CTSC: variants seen among roughly 807,000 people sequenced by gnomAD.
The protein encoded by CTSC is dipeptidyl peptidase 1.
In CTSC, 37 loss-of-function variants were observed where a neutral mutation model predicts 40.9. The observed-to-expected ratio is 0.91, with a 90% CI of 0.70 to 1.19. The LOEUF (loss-of-function observed/expected upper bound fraction) is 1.19, where lower values mean the gene tolerates loss of function less well. Ranked by LOEUF, CTSC falls within the 50% of genes most tolerant of loss-of-function variation. The probability of loss-of-function intolerance (pLI) is 0.00; values close to 1 mark genes in which losing one functional copy is unlikely to be tolerated. For missense variants in CTSC, 594 were observed against 567.3 expected (o/e 1.05, Z -0.48); for synonymous variants, 232 against 207.4 (o/e 1.12, Z -1.02).
rs751858342 is a variant in CTSC, at chr11:88,334,921, T to C, written c.318+16A>G. ...AAATCATTGAAAATGTAAATCCAAC[T>C]TCCAACAAAACTAACCTTAAAAAAG... is the stretch of plus-strand genomic sequence containing the variant. On this transcript the variant is annotated intron_variant, in intron 2 of 6. Coordinates refer to ENST00000227266, the MANE Select transcript of CTSC (RefSeq NM_001814.6). 4 of 1,591,824 alleles carry C rather than the reference T, an allele frequency of 2.5e-6. No homozygotes were observed. The African/African-American group carries it at 5.4e-5, about 21-fold the overall frequency.
Position 88,337,554 on chromosome 11 carries a change from AC to A in CTSC, c.118del (p.Val40SerfsTer25). 2 of 1,577,230 alleles carry A rather than the reference AC, an allele frequency of 1.3e-6. No individual in the cohort carries two copies. The highest frequency in any genetic ancestry group is 1.7e-6 in the Non-Finnish European group (2 of 1,160,522). On this transcript the variant is annotated frameshift_variant, in exon 1 of 7. Coordinates refer to ENST00000227266, the MANE Select transcript of CTSC (RefSeq NM_001814.6). LOFTEE classifies it high-confidence loss of function. ...GGAACCGCTGGAGCCCACCTGGAAG[AC>A]CCAGGTGCCCAGCAGGTCAAGATAG... is the stretch of plus-strand genomic sequence containing the variant. The part of the protein sequence containing the change: ...CTYLDLLGTW[V>X]FQVGSSGSQR...
At chr11:88,314,358 C>T (rs1937830444) in intron 2 of CTSC, among the ~76,000 whole-genome samples, 1 of 152,194 alleles carries the variant, frequency 6.6e-6, no homozygotes, top group Non-Finnish European at 1.5e-5. Context: ...TTGCATCTGA[C>T]TCTCTGAATT....
At chr11:88,333,094 C>T (rs1328567821) in intron 2 of CTSC, among the ~76,000 whole-genome samples, 2 of 152,202 alleles carry the variant, frequency 1.3e-5, no homozygotes, top group African/African-American at 4.8e-5. Context: ...TCCCTACCAG[C>T]TTTGGACTAC....
intron 2 of CTSC, chr11:88,325,625 T>G: frequency 8.1e-6 from 8 of 984,784 alleles, no homozygotes; most frequent in Non-Finnish European, 9.6e-6. Flanking sequence ...AAACTAGTTA[T>G]ATCTACTTTA....
At position 88,317,708 on chromosome 11, in the gene CTSC, G is replaced by A. The variant is rs917262027; in HGVS notation, c.319-5154C>T. 6.6e-5 allele frequency among the ~76,000 whole-genome samples: 10 copies of A among 152,204 alleles called. No individual in the cohort carries two copies. The South Asian group carries it at 1.5e-3, about 22-fold the overall frequency. On this transcript the variant is annotated intron_variant, in intron 2 of 6. Coordinates refer to ENST00000227266, the MANE Select transcript of CTSC (RefSeq NM_001814.6). ...ATTAAGAAGTTGAAGTTTTGACCCC[G>A]CTATCCAGCTTGAAATGCAGCCAAA...
At chr11:88,303,935 ACT>A (rs1937607662) in intron 4 of CTSC, among the ~76,000 whole-genome samples, 2 of 151,584 alleles carry the variant, frequency 1.3e-5, no homozygotes, top group African/African-American at 4.8e-5. Flanking sequence ...AGAGAGAGAG[ACT>A]CTGTTTTCTG....
chr11:88,328,671 A>G (rs1161067615), intron 2 of CTSC, among the ~76,000 whole-genome samples: 1 of 152,158 alleles, frequency 6.6e-6, no homozygotes, highest in South Asian at 2.1e-4. Flanking sequence ...TCTGTCACCC[A>G]GGCTGAAATG....
intron 2 of CTSC, 99 bp downstream of exon 2, chr11:88,334,838 T>C (rs192728795): frequency 2.8e-4 from 253 of 912,100 alleles, no homozygotes; most frequent in Non-Finnish European, 2.3e-5. Context: ...TCCGGTCATC[T>C]TCTTAATCTA....
At chr11:88,298,656 T>G (rs1440130832) in intron 5 of CTSC, 1 of 152,188 alleles carries the variant, frequency 6.6e-6, no homozygotes, top group Non-Finnish European at 1.5e-5. Context: ...TTAAGTACAT[T>G]ATTTTCTCAA....
Position 88,326,533 on chromosome 11 carries a change from A to AAAG in CTSC, c.318+8403_318+8404insCTT, listed in dbSNP as rs1457547416. 11 of 810,666 alleles carry AAAG rather than the reference A, an allele frequency of 1.4e-5. No individual in the cohort carries two copies. In the African/African-American group the frequency reaches 1.8e-4, roughly 13 times the overall value. 50.2% of individuals were successfully genotyped at this position (810,666 alleles called of 1,614,324 possible). A position where few individuals can be genotyped will look rare whatever the true frequency, so the allele number is the denominator to read the frequency against. On this transcript the variant is annotated intron_variant, in intron 2 of 6. Coordinates refer to ENST00000227266, the MANE Select transcript of CTSC (RefSeq NM_001814.6). ...CATATCAGTTTCTTTAAGTAAAAAAAAAAAAAAATACCAGCACTGATATTT... is the reference window on the plus strand; with the variant it reads ...CATATCAGTTTCTTTAAGTAAAAAAAAAGAAAAAAAATACCAGCACTGATATTT...
chr11:88,295,383 AT>A (rs35716833), intron 6 of CTSC, among the ~76,000 whole-genome samples: 101 of 146,956 alleles, frequency 6.9e-4, no homozygotes, highest in Middle Eastern at 3.6e-3. Flanking sequence ...CTAAGTACAG[AT>A]TTTTTTTTTT....
chr11:88,300,872 C>T (rs1944352681), intron 4 of CTSC, among the ~76,000 whole-genome samples: 1 of 151,784 alleles, frequency 6.6e-6, no homozygotes, highest in Non-Finnish European at 1.5e-5. Context: ...TGATAATTTT[C>T]CTTTGTGAAA....
intron 2 of CTSC, among the ~76,000 whole-genome samples, chr11:88,316,673 T>C (rs569454549): frequency 1.3e-5 from 2 of 152,286 alleles, no homozygotes; most frequent in Admixed American, 6.5e-5. Flanking sequence ...CACTAGGAAG[T>C]AATTAACTAC....
At chr11:88,328,274 T>C in intron 2 of CTSC, 2 of 1,016,946 alleles carry the variant, frequency 2.0e-6, no homozygotes, top group Non-Finnish European at 1.5e-6. Context: ...ATAAAATAGT[T>C]AGGCAGGCAC....
intron 2 of CTSC, chr11:88,321,016 T>C (rs1412202753): frequency 1.0e-6 from 1 of 985,220 alleles, no homozygotes; most frequent in African/African-American, 1.7e-5. Flanking sequence ...TTCTGACACA[T>C]GTATCTGCAA....
At chr11:88,312,970 G>A (rs930892930) in intron 2 of CTSC, among the ~76,000 whole-genome samples, 5 of 152,188 alleles carry the variant, frequency 3.3e-5, no homozygotes, top group African/African-American at 1.2e-4. Flanking sequence ...CTCCTACCAA[G>A]GCAACAGGCG....
chr11:88,301,489 C>T (rs1006199622), intron 4 of CTSC, among the ~76,000 whole-genome samples: 1 of 152,064 alleles, frequency 6.6e-6, no homozygotes, highest in Non-Finnish European at 1.5e-5. Flanking sequence ...AATAAATCTC[C>T]GCTTTTGTTG....
intron 4 of CTSC, 119 bp from the exon 5 acceptor site, chr11:88,300,764 C>T (rs1352709048): frequency 2.8e-6 from 2 of 712,274 alleles, no homozygotes; most frequent in Admixed American, 4.1e-5. Flanking sequence ...TAGATTCAGA[C>T]CCAGAGCACC....
chr11:88,325,025 G>T, intron 2 of CTSC: 1 of 985,198 alleles, frequency 1.0e-6, no homozygotes. Context: ...ATGCAAGAGA[G>T]GAAAGTCCAC....
Sources: allele counts gnomAD v4.1 joint callset (sites outside exome capture counted in the v4.1 genomes callset), GRCh38; gene constraint gnomAD v4.1.1; transcripts MANE v1.5; gene names NCBI Gene and HGNC (gene_info 2026-07-23, HGNC 2026-07-21).